The following IRS1 variants were observed in gnomAD, a reference collection of about 807,000 sequenced individuals.
IRS1 encodes the protein insulin receptor substrate 1.
In IRS1, 34 loss-of-function variants were observed where a neutral mutation model predicts 65.6. The observed-to-expected ratio is 0.52, with a 90% CI of 0.39 to 0.69. The LOEUF (loss-of-function observed/expected upper bound fraction) is 0.69. Among genes scored for constraint, IRS1 ranks in the 30% least tolerant of loss-of-function variants. The probability of loss-of-function intolerance (pLI) is 0.00; values close to 1 mark genes in which losing one functional copy is unlikely to be tolerated. For synonymous variants in IRS1, 699 were observed against 683.5 expected (o/e 1.02, Z -0.35); for missense variants, 1,641 against 1,720.2 (o/e 0.95, Z 0.81).
intron 1 of IRS1, among the ~76,000 whole-genome samples, chr2:226,770,888 G>T (rs1275403351): frequency 6.6e-6 from 1 of 152,062 alleles, no homozygotes; most frequent in Non-Finnish European, 1.5e-5. Flanking sequence ...CTTTTAACTC[G>T]AATATTTTTC....
chr2:226,790,263 G>T (rs138336452), intron 1 of IRS1, among the ~76,000 whole-genome samples: 104 of 152,100 alleles, frequency 6.8e-4, no homozygotes, highest in African/African-American at 2.4e-3. Flanking sequence ...AAGATCTCTG[G>T]CTCCCAAGAA....
chr2:226,743,581 G>A (rs919052986), intron 1 of IRS1, among the ~76,000 whole-genome samples: 3 of 152,192 alleles, frequency 2.0e-5, no homozygotes, highest in Non-Finnish European at 4.4e-5. Context: ...GTTACGAAAA[G>A]ACATGAAGGT....
chr2:226,771,534 T>C (rs116724772), intron 1 of IRS1, among the ~76,000 whole-genome samples: 2,571 of 152,324 alleles, frequency 0.017, 43 homozygotes, highest in Middle Eastern at 0.051. Context: ...TTTAGTAGTT[T>C]CGTTATTTTG....
chr2:226,741,130 A>G (rs763106970), intron 1 of IRS1, among the ~76,000 whole-genome samples: 17 of 152,200 alleles, frequency 1.1e-4, no homozygotes, highest in Non-Finnish European at 2.1e-4. Flanking sequence ...GTAATTTCAC[A>G]ATCTACTTAA....
intron 1 of IRS1, among the ~76,000 whole-genome samples, chr2:226,750,326 T>C (rs1017552507): frequency 2.0e-5 from 3 of 150,420 alleles, no homozygotes; most frequent in East Asian, 3.9e-4. Context: ...AGCACTAGGG[T>C]GAGACTAAGC....
rs887123154 is a variant in IRS1, at chr2:226,799,817, C to A, written c.-1079G>T. On this transcript the variant is annotated 5_prime_UTR_variant, in exon 1 of 2. Transcript: ENST00000305123. This position sits in a 1 kb window ranked among gnomAD's most constrained non-coding sequence, Gnocchi z 6.1. ...CCTCCGCGCTCGGCAGCCGGGCAGC[C>A]GCCGCCGGGAGGCTCCCGCCCGGGT... is the stretch of plus-strand genomic sequence containing the variant. 7 of 987,346 alleles carry A rather than the reference C, an allele frequency of 7.1e-6. No individual in the cohort carries two copies. In the African/African-American group the frequency reaches 1.2e-4, roughly 17 times the overall value. The allele number at this position is 987,346 out of a possible 1,614,324, so 61.2% of individuals were successfully genotyped here.
At chr2:226,778,577 T>A (rs1939321577) in intron 1 of IRS1, among the ~76,000 whole-genome samples, 1 of 151,546 alleles carries the variant, frequency 6.6e-6, no homozygotes, top group Non-Finnish European at 1.5e-5. Flanking sequence ...AAGGTTAGAG[T>A]ATATACATTA....
intron 1 of IRS1, among the ~76,000 whole-genome samples, chr2:226,752,973 G>A (rs753893772): frequency 3.3e-5 from 5 of 152,208 alleles, no homozygotes; most frequent in African/African-American, 1.2e-4. Context: ...TGTAAAGCAC[G>A]TGGCACAGAT....
In IRS1 at chr2:226,738,481, CTG is replaced by C. The variant is rs578160148; in HGVS notation, c.*22-2233_*22-2232del. On this transcript the variant is annotated intron_variant, in intron 1 of 1. Transcript: ENST00000305123. ...TGCCTCTAAAAGACAGGTAAACAAA[CTG>C]TATTTTTAACTCACTAATAAAGACT... 1.2e-4 allele frequency among the ~76,000 whole-genome samples: 18 copies of C among 152,226 alleles called. 1 individual carries two copies. In the South Asian group the frequency reaches 3.5e-3, roughly 30 times the overall value.
chr2:226,782,207 G>T (rs1005848046), intron 1 of IRS1, among the ~76,000 whole-genome samples: 5 of 152,076 alleles, frequency 3.3e-5, no homozygotes, highest in African/African-American at 1.2e-4. Context: ...TCAACTTTCA[G>T]TCTCTCCCTC....
At chr2:226,751,362 C>CA (rs1367803692) in intron 1 of IRS1, among the ~76,000 whole-genome samples, 1 of 145,030 alleles carries the variant, frequency 6.9e-6, no homozygotes, top group Non-Finnish European at 1.5e-5. Flanking sequence ...CGGCTCACTG[C>CA]AAGCTCCACC....
chr2:226,791,234 A>AG (rs1285658988), intron 1 of IRS1, among the ~76,000 whole-genome samples: 1 of 151,872 alleles, frequency 6.6e-6, no homozygotes, highest in Non-Finnish European at 1.5e-5. Context: ...CCCTTGGTTG[A>AG]GGGGGGCGGG....
Position 226,797,377 on chromosome 2 carries a change from T to G in IRS1, c.1362A>C (p.Pro454=). The G allele has an allele frequency of 2.5e-6, 4 of 1,612,764 alleles. No individual in the cohort carries two copies. The highest frequency in any genetic ancestry group is 1.3e-5 in the African/African-American group (1 of 74,966). The part of the protein sequence containing the change: ...SVTPDSLGHT[P]PARGEEELSN... ...TTAGCTCCTCCTCACCGCGGGCTGG[T>G]GGGGTGTGGCCCAGGGAATCCGGAG... is the stretch of plus-strand genomic sequence containing the variant. Residue 454 remains proline (P), a synonymous_variant, in exon 1 of 2, where the codon CCA becomes CCC. Transcript: ENST00000305123. The surrounding 1 kb of genome is among the most constrained non-coding windows in gnomAD (Gnocchi z 8.1).
At chr2:226,772,491 G>T (rs980765096) in intron 1 of IRS1, among the ~76,000 whole-genome samples, 4 of 151,974 alleles carry the variant, frequency 2.6e-5, no homozygotes, top group African/African-American at 7.3e-5. Context: ...ACCTAGTCTT[G>T]CACTAAAACA....
chr2:226,752,193 G>A (rs1397228725), intron 1 of IRS1, among the ~76,000 whole-genome samples: 1 of 152,108 alleles, frequency 6.6e-6, no homozygotes, highest in Non-Finnish European at 1.5e-5. Context: ...AGATCCCGAA[G>A]CAGCACATTT....
At position 226,797,299 on chromosome 2, in the gene IRS1, G is replaced by A. The variant is rs79966905; in HGVS notation, c.1440C>T (p.Asn480=). 1.5e-3 allele frequency: 2,472 copies of A among 1,613,546 alleles called. 4 individuals carry two copies. Among genetic ancestry groups the A allele is most frequent in the Non-Finnish European group, 1.8e-3 (2,089 of 1,180,004 alleles). Residue 480 remains asparagine, a synonymous_variant, in exon 1 of 2, where the codon AAC becomes AAT. Coordinates refer to ENST00000305123, the MANE Select transcript of IRS1 (RefSeq NM_005544.3). The surrounding 1 kb of genome is among the most constrained non-coding windows in gnomAD (Gnocchi z 8.1). The stretch of plus-strand genomic sequence containing the variant: ...CACCCCGAGACAAAATGTAGTGACC[G>A]TTGGGGGCGGTCAGGGTGGAGGGCC... The part of the protein sequence containing the change: ...GKGPSTLTAP[N]GHYILSRGGN...
rs138991177 is a variant in IRS1 at position 226,796,117 on chromosome 2, G to A, written c.2622C>T (p.Ala874=). 18 of 1,613,502 alleles carry A rather than the reference G, an allele frequency of 1.1e-5. No individual in the cohort carries two copies. The Admixed American group carries it at 2.0e-4, about 18-fold the overall frequency. The change falls in exon 1 of 2, where the codon GCC becomes GCT. Residue 874 remains alanine, a synonymous_variant. Transcript: ENST00000305123. ...GCTGCTGCTGCTGCTGCTGCTCTCG[G>A]GCCCGAGGTAAGGTGCTGGCCTTGG... ...GDPKASTLPR[A]REQQQQQQPL... is the part of the protein sequence containing the mutation.
At chr2:226,747,870 G>A (rs1048318971) in intron 1 of IRS1, among the ~76,000 whole-genome samples, 1 of 152,086 alleles carries the variant, frequency 6.6e-6, no homozygotes, top group Non-Finnish European at 1.5e-5. Context: ...GTCACAACCA[G>A]GAAAGGGGTT....
intron 1 of IRS1, among the ~76,000 whole-genome samples, chr2:226,740,161 T>C (rs1221995858): frequency 6.6e-6 from 1 of 152,240 alleles, no homozygotes; most frequent in Admixed American, 6.5e-5. Context: ...GCATTCTGTC[T>C]GGTTACATCA....
Sources: allele counts gnomAD v4.1 joint callset (sites outside exome capture counted in the v4.1 genomes callset), GRCh38; gene constraint gnomAD v4.1.1; non-coding constraint Gnocchi (gnomAD v3.1); transcripts MANE v1.5; gene names NCBI Gene and HGNC (gene_info 2026-07-23, HGNC 2026-07-21).